UMAD1: variants seen among roughly 807,000 people sequenced by gnomAD.
UMAD1 encodes UBAP1-MVB12-associated (UMA) domain containing 1.
Under a neutral mutation model 6.1 loss-of-function variants are expected in UMAD1, and 8 were observed. That is an observed-to-expected ratio of 1.30 (90% CI 0.76 to 2.35). The LOEUF (loss-of-function observed/expected upper bound fraction) is 2.35. Ranked by LOEUF, UMAD1 falls within the 30% of genes most tolerant of loss-of-function variation. UMAD1 has a pLI of 0.00. For missense variants in UMAD1, 130 were observed against 78.4 expected (o/e 1.66, Z -2.49); for synonymous variants, 56 against 31.4 (o/e 1.78, Z -2.61).
At chr7:7,863,471 T>C (rs1486815403) in intron 3 of UMAD1, among the ~76,000 whole-genome samples, 2 of 152,250 alleles carry the variant, frequency 1.3e-5, no homozygotes, top group African/African-American at 4.8e-5. Flanking sequence ...TGTTGTTTCG[T>C]ATAGTACTAT....
chr7:7,744,733 A>G (rs978383061), intron 2 of UMAD1, among the ~76,000 whole-genome samples: 2 of 151,864 alleles, frequency 1.3e-5, no homozygotes, highest in African/African-American at 2.4e-5. Flanking sequence ...ATAAATGTCT[A>G]TTCAGATATT....
chr7:7,728,683 A>G (rs1425286029), intron 2 of UMAD1, among the ~76,000 whole-genome samples: 1 of 151,824 alleles, frequency 6.6e-6, no homozygotes, highest in Admixed American at 6.6e-5. Flanking sequence ...AGGTTGATCC[A>G]TGGATTAAAT....
At chr7:7,761,882 G>A (rs1219664108) in intron 2 of UMAD1, among the ~76,000 whole-genome samples, 4 of 151,914 alleles carry the variant, frequency 2.6e-5, no homozygotes, top group South Asian at 2.1e-4. Context: ...TATTCTGAAC[G>A]TTGCTTCTTA....
At chr7:7,739,247 A>T (rs572095186) in intron 2 of UMAD1, among the ~76,000 whole-genome samples, 2 of 152,360 alleles carry the variant, frequency 1.3e-5, no homozygotes, top group South Asian at 4.1e-4. Context: ...CTGCTGCATC[A>T]GCAGGCATTT....
At chr7:7,750,037 A>G (rs1781648680) in intron 2 of UMAD1, among the ~76,000 whole-genome samples, 1 of 152,178 alleles carries the variant, frequency 6.6e-6, no homozygotes, top group African/African-American at 2.4e-5. Context: ...TTATACTGCT[A>G]GAATGGTGAG....
intron 2 of UMAD1, among the ~76,000 whole-genome samples, chr7:7,734,830 A>G (rs1330745818): frequency 6.6e-6 from 1 of 152,144 alleles, no homozygotes; most frequent in African/African-American, 2.4e-5. Context: ...TTTTTTTCAT[A>G]CATAAAACAA....
At chr7:7,856,846 G>C (rs75688136) in intron 3 of UMAD1, among the ~76,000 whole-genome samples, 3,478 of 152,194 alleles carry the variant, frequency 0.023, 142 homozygotes, top group African/African-American at 0.078. Context: ...ATTAACTTTT[G>C]GGTATAAAAG....
intron 3 of UMAD1, among the ~76,000 whole-genome samples, chr7:7,875,105 G>C (rs909771766): frequency 6.6e-6 from 1 of 152,082 alleles, no homozygotes; most frequent in African/African-American, 2.4e-5. Flanking sequence ...TAGACTTACA[G>C]TCTAAGAATT....
chr7:7,810,033 A>G (rs1186417910), intron 3 of UMAD1, among the ~76,000 whole-genome samples: 1 of 152,064 alleles, frequency 6.6e-6, no homozygotes, highest in Non-Finnish European at 1.5e-5. Flanking sequence ...TATAGAAAAA[A>G]GGAGACTGGA....
intron 2 of UMAD1, among the ~76,000 whole-genome samples, chr7:7,689,798 C>T (rs1780130843): frequency 6.6e-6 from 1 of 152,128 alleles, no homozygotes; most frequent in South Asian, 2.1e-4. Context: ...GAATGGTATA[C>T]TCACTGCCAT....
chr7:7,807,876 A>T (rs891510779), intron 3 of UMAD1, among the ~76,000 whole-genome samples: 1 of 152,060 alleles, frequency 6.6e-6, no homozygotes, highest in Admixed American at 6.6e-5. Context: ...TCAATAATAA[A>T]TTAATTAATA....
At chr7:7,763,299 T>A (rs764008186) in intron 2 of UMAD1, among the ~76,000 whole-genome samples, 2 of 152,324 alleles carry the variant, frequency 1.3e-5, no homozygotes, top group Non-Finnish European at 1.5e-5. Flanking sequence ...AAGGGGTGCA[T>A]GCGCAAGTTT....
intron 3 of UMAD1, among the ~76,000 whole-genome samples, chr7:7,843,526 C>T (rs771779693): frequency 1.2e-4 from 19 of 152,096 alleles, no homozygotes; most frequent in Non-Finnish European, 2.4e-4. Flanking sequence ...TATTCTAACA[C>T]GCACATAATA....
chr7:7,832,203 A>C (rs1176098376), intron 3 of UMAD1, among the ~76,000 whole-genome samples: 2 of 152,204 alleles, frequency 1.3e-5, no homozygotes, highest in Non-Finnish European at 2.9e-5. Flanking sequence ...GTATTTTGCC[A>C]TTGAGCCTAC....
intron 2 of UMAD1, among the ~76,000 whole-genome samples, chr7:7,741,761 C>A (rs1009545142): frequency 1.2e-4 from 18 of 151,916 alleles, no homozygotes; most frequent in Admixed American, 1.0e-3. Flanking sequence ...TTTCAGTTAA[C>A]TACAATTAGT....
At chr7:7,658,038 A>G (rs1197041770) in intron 1 of UMAD1, among the ~76,000 whole-genome samples, 2 of 152,100 alleles carry the variant, frequency 1.3e-5, no homozygotes, top group Non-Finnish European at 2.9e-5. Context: ...GTCCCTTGTA[A>G]GTTGGATTCC....
intron 3 of UMAD1, among the ~76,000 whole-genome samples, chr7:7,859,049 C>G (rs1784068699): frequency 6.6e-6 from 1 of 152,118 alleles, no homozygotes; most frequent in Non-Finnish European, 1.5e-5. Flanking sequence ...TTCCTAAGTT[C>G]CTTTGCCAGA....
At chr7:7,645,207 A>G (rs1202915062) in intron 1 of UMAD1, among the ~76,000 whole-genome samples, 1 of 152,062 alleles carries the variant, frequency 6.6e-6, no homozygotes, top group African/African-American at 2.4e-5. Flanking sequence ...TACATATTTT[A>G]TTTATCTTTC....
At position 7,658,773 on chromosome 7, in the gene UMAD1, T is replaced by A. The variant is rs147824591; in HGVS notation, c.-63-14536T>A. Among the ~76,000 whole-genome samples, 1,366 of 152,316 alleles carry A rather than the reference T, an allele frequency of 9.0e-3. 6 individuals carry two copies. The highest frequency in any genetic ancestry group is 0.013 in the Non-Finnish European group (901 of 68,030). ...TCAGGAATGTTGGCCTGAAATTTTC[T>A]TTTTTTGTTGTATCTCTGCCTGGTG... is the stretch of plus-strand genomic sequence containing the variant. On this transcript the variant is annotated intron_variant, in intron 1 of 3. Transcript: ENST00000682710.
Sources: gnomAD v4.1 joint callset for allele counts (sites outside exome capture counted in the v4.1 genomes callset) on GRCh38, gnomAD v4.1.1 for gene constraint, MANE v1.5 for transcripts, NCBI Gene and HGNC (gene_info 2026-07-23, HGNC 2026-07-21) for gene names.